The following ERVK3-1 variants were observed in gnomAD, a reference collection of about 807,000 sequenced individuals.
The protein encoded by ERVK3-1 is endogenous retrovirus group K3 member 1.
At chr19:58,306,244 C>G (rs1435108417) in intron 2 of ERVK3-1, 28 bp downstream of exon 2, 1 of 152,098 alleles carries the variant, frequency 6.6e-6, no homozygotes, top group Non-Finnish European at 1.5e-5. Flanking sequence ...GTATCGGGAG[C>G]GGGAGGTTTC....
rs375889348 is a variant in ERVK3-1, at chr19:58,312,246, C to T, written c.78C>T (p.Thr26=). Reference sequence around the variant, plus strand: ...ACCGGAGGGATCCATGGTATTCAACCGTGGGCCTGTTACCTCCAGTACGAG... The same window carrying T: ...ACCGGAGGGATCCATGGTATTCAACTGTGGGCCTGTTACCTCCAGTACGAG... The change falls in exon 3 of 4, where the codon ACC becomes ACT. Residue 26 remains threonine, a synonymous_variant. Transcript: ENST00000413518. The surrounding 1 kb of genome is among the most constrained non-coding windows in gnomAD (Gnocchi z 4.7). 39 of 399,944 alleles carry T rather than the reference C, an allele frequency of 9.8e-5. No homozygotes were observed. Among genetic ancestry groups the T allele is most frequent in the Admixed American group, 7.5e-4 (17 of 22,706 alleles). The allele number at this position is 399,944 out of a possible 1,614,324, so 24.8% of individuals were successfully genotyped here. A position where few individuals can be genotyped will look rare whatever the true frequency, so the allele number is the denominator to read the frequency against.
intron 3 of ERVK3-1, among the ~76,000 whole-genome samples, chr19:58,314,095 A>G (rs2051574303): frequency 6.6e-6 from 1 of 152,206 alleles, no homozygotes. Context: ...AAAGTTTGCA[A>G]TTGTAGCAGC....
At chr19:58,306,371 T>G (rs1367205495) in intron 2 of ERVK3-1, 155 bp downstream of exon 2, 4 of 152,244 alleles carry the variant, frequency 2.6e-5, no homozygotes, top group African/African-American at 9.6e-5. Context: ...ATTAAGCTTC[T>G]GCAGGAGGTT....
rs1335778895 is a variant in ERVK3-1 at position 58,313,222 on chromosome 19, C to T, written c.294+760C>T. 6.6e-6 allele frequency: 1 copy of T among 152,226 alleles called. No individual in the cohort carries two copies. The highest frequency in any genetic ancestry group is 1.5e-5 in the Non-Finnish European group (1 of 68,050). The allele number at this position is 152,226 out of a possible 1,614,324, so 9.4% of individuals were successfully genotyped here. A position where few individuals can be genotyped will look rare whatever the true frequency, so the allele number is the denominator to read the frequency against. ...ATCCAACAATAGTAATATTACTCAA[C>T]ACAGTTTTAATATCACCTTTGTAAA... On this transcript the variant is annotated intron_variant, in intron 3 of 3. Coordinates refer to ENST00000413518, the Ensembl canonical transcript of ERVK3-1. This position sits in a 1 kb window ranked among gnomAD's most constrained non-coding sequence, Gnocchi z 4.5.
At chr19:58,315,058 CAT>C (rs1034597277) in exon 4 of ERVK3-1, 10 of 337,694 alleles carry the variant, frequency 3.0e-5, no homozygotes, top group Middle Eastern at 7.5e-4. Flanking sequence ...AGAAAGGAAT[CAT>C]GTGGGCCTGT....
downstream of ERVK3-1, among the ~76,000 whole-genome samples, chr19:58,316,312 G>A (rs1234964855): frequency 2.0e-5 from 3 of 152,076 alleles, no homozygotes; most frequent in African/African-American, 7.2e-5. Context: ...GACTGATGAG[G>A]CCACCCCTCT....
At chr19:58,311,981 G>A in intron 2 of ERVK3-1, 185 bp from the exon 3 acceptor site, 1 of 390,776 alleles carries the variant, frequency 2.6e-6, no homozygotes, top group Non-Finnish European at 4.5e-6. Flanking sequence ...ATTTAGCCTT[G>A]TTTACTTTAA....
At chr19:58,315,011 A>G in exon 4 of ERVK3-1, 1 of 378,446 alleles carries the variant, frequency 2.6e-6, no homozygotes, top group Non-Finnish European at 4.7e-6. Flanking sequence ...GTGCTCCTTG[A>G]GGTTATCCAC....
rs566884534 is a variant in ERVK3-1, at chr19:58,310,886, G to A, written c.-3-1280G>A. 2.7e-5 allele frequency: 11 copies of A among 402,928 alleles called. No individual in the cohort carries two copies. Among genetic ancestry groups the A allele is most frequent in the Admixed American group, 7.5e-5 (3 of 40,078 alleles). The allele number at this position is 402,928 out of a possible 1,614,324, so 25.0% of individuals were successfully genotyped here. Reference sequence around the variant, plus strand: ...CGGGTGTTGTTCCTTGACACTTTTCGCTACCGCTAGACCACGGTCTTCCCA... The same window carrying A: ...CGGGTGTTGTTCCTTGACACTTTTCACTACCGCTAGACCACGGTCTTCCCA... On this transcript the variant is annotated intron_variant, in intron 2 of 3. Transcript: ENST00000413518. The surrounding 1 kb of genome is among the most constrained non-coding windows in gnomAD (Gnocchi z 4.7).
In ERVK3-1 at chr19:58,313,414, T is replaced by C. The variant is rs541405349; in HGVS notation, c.294+952T>C. ...CAATTGTCTGCCTCAGCCTCCCGAGTAGCTGGGATTACAGGCACCCGCCAC... is the reference window on the plus strand; with the variant it reads ...CAATTGTCTGCCTCAGCCTCCCGAGCAGCTGGGATTACAGGCACCCGCCAC... On this transcript the variant is annotated intron_variant, in intron 3 of 3. Transcript: ENST00000413518. This position sits in a 1 kb window ranked among gnomAD's most constrained non-coding sequence, Gnocchi z 4.5. 3.3e-5 allele frequency among the ~76,000 whole-genome samples: 5 copies of C among 152,176 alleles called. No individual in the cohort carries two copies. In the South Asian group the frequency reaches 1.0e-3, roughly 32 times the overall value.
At chr19:58,307,694 C>T (rs2051533040) in intron 2 of ERVK3-1, among the ~76,000 whole-genome samples, 1 of 138,182 alleles carries the variant, frequency 7.2e-6, no homozygotes, top group Non-Finnish European at 1.5e-5. Flanking sequence ...TAAAGGAAAT[C>T]ATTGGGCTAA....
Position 58,313,771 on chromosome 19 carries a change from T to C in ERVK3-1, c.295-977T>C, listed in dbSNP as rs747459347. On this transcript the variant is annotated intron_variant, in intron 3 of 3. Transcript: ENST00000413518. The surrounding 1 kb of genome is among the most constrained non-coding windows in gnomAD (Gnocchi z 4.5). ...GTCGTATCCCTGGATTATGGATCCC[T>C]GTCAATTTGTGCAAACCTTGGGCTG... 1.3e-5 allele frequency among the ~76,000 whole-genome samples: 2 copies of C among 152,252 alleles called. No homozygotes were observed. Among genetic ancestry groups the C allele is most frequent in the Non-Finnish European group, 2.9e-5 (2 of 68,044 alleles).
downstream of ERVK3-1, among the ~76,000 whole-genome samples, chr19:58,316,224 C>T (rs142465205): frequency 3.8e-4 from 58 of 152,332 alleles, no homozygotes; most frequent in Non-Finnish European, 7.3e-4. Flanking sequence ...ACCACTACCT[C>T]CTCATGGTTC....
downstream of ERVK3-1, among the ~76,000 whole-genome samples, chr19:58,316,073 G>A (rs764860800): frequency 7.9e-5 from 12 of 152,244 alleles, no homozygotes; most frequent in Middle Eastern, 3.4e-3. Context: ...TGCCGAGTGA[G>A]GTAGATGGTG....
Position 58,312,314 on chromosome 19 carries a change from C to T in ERVK3-1, c.146C>T (p.Pro49Leu), listed in dbSNP as rs375671091. 1.7e-5 allele frequency: 7 copies of T among 400,088 alleles called. No homozygotes were observed. Among genetic ancestry groups the T allele is most frequent in the African/African-American group, 6.2e-5 (3 of 48,704 alleles). The allele number at this position is 400,088 out of a possible 1,614,324, so 24.8% of individuals were successfully genotyped here. A position where few individuals can be genotyped will look rare whatever the true frequency, so the allele number is the denominator to read the frequency against. Residue 49 changes from proline to leucine, a missense_variant, in exon 3 of 4, where the codon CCG (proline) becomes CTG (leucine). Pro to Leu is a moderately conservative substitution (Grantham distance 98). Transcript: ENST00000413518. This position sits in a 1 kb window ranked among gnomAD's most constrained non-coding sequence, Gnocchi z 4.7. ...CTGAATGCAAAGACAGAACAAGGGCCGACCGGAGTCACAATGACATCCAAC... is the reference window on the plus strand; with the variant it reads ...CTGAATGCAAAGACAGAACAAGGGCTGACCGGAGTCACAATGACATCCAAC...
chr19:58,310,784 TG>T lies in ERVK3-1; in HGVS notation c.-3-1380del. ...CTAATGTCAGGCCCTCCACAAGAGG[TG>T]GAGGAGCAGAGTCTTCTCTAACCTC... On this transcript the variant is annotated intron_variant, in intron 2 of 3. Coordinates refer to ENST00000413518, the Ensembl canonical transcript of ERVK3-1. This position sits in a 1 kb window ranked among gnomAD's most constrained non-coding sequence, Gnocchi z 4.7. 1 of 305,844 alleles carries T rather than the reference TG, an allele frequency of 3.3e-6. No individual in the cohort carries two copies. Among genetic ancestry groups the T allele is most frequent in the Non-Finnish European group, 6.7e-6 (1 of 149,622 alleles). The allele number at this position is 305,844 out of a possible 1,614,324, so 18.9% of individuals were successfully genotyped here.
downstream of ERVK3-1, among the ~76,000 whole-genome samples, chr19:58,315,929 A>C (rs76209337): frequency 5.1e-3 from 782 of 152,302 alleles, 5 homozygotes; most frequent in African/African-American, 0.018. Context: ...CCTGGAAACA[A>C]ACCTGTCTCT....
At chr19:58,305,596 C>G (rs11881442) in intron 1 of ERVK3-1, among the ~76,000 whole-genome samples, 151 bp downstream of exon 1, 113 of 151,988 alleles carry the variant, frequency 7.4e-4, no homozygotes, top group African/African-American at 2.5e-3. Context: ...GAGAGGCGCG[C>G]GGTGCGTGAG....
At chr19:58,316,248 T>C (rs1348756738), downstream of ERVK3-1, among the ~76,000 whole-genome samples, 1 of 152,198 alleles carries the variant, frequency 6.6e-6, no homozygotes, top group African/African-American at 2.4e-5. Context: ...TGCCTCCCGT[T>C]GCCCCCTTCA....
Sources: gnomAD v4.1 joint callset for allele counts (sites outside exome capture counted in the v4.1 genomes callset) on GRCh38, gnomAD v4.1.1 for gene constraint, Gnocchi (gnomAD v3.1) non-coding constraint, MANE v1.5 for transcripts, NCBI Gene and HGNC (gene_info 2026-07-23, HGNC 2026-07-21) for gene names.